HAS3: variants seen among roughly 807,000 people sequenced by gnomAD.
HAS3 encodes the protein HA synthase 3.
A neutral mutation model predicts 50.3 loss-of-function variants in HAS3; 27 were observed. The ratio of observed to expected loss-of-function variants is 0.54; its 90% confidence interval spans 0.40 to 0.74. The LOEUF (loss-of-function observed/expected upper bound fraction) is 0.74, where lower values mean the gene tolerates loss of function less well. Among genes scored for constraint, HAS3 ranks in the 30% least tolerant of loss-of-function variants. The pLI is 0.00. For synonymous variants in HAS3, 339 were observed against 310.9 expected, an observed-to-expected ratio of 1.09 and a Z score of -0.95; for missense variants, 517 against 742.8, an observed-to-expected ratio of 0.70 and a Z score of 3.53.
chr16:69,104,022 G>A (rs117046385), upstream of HAS3, among the ~76,000 whole-genome samples: 5,097 of 152,278 alleles, frequency 0.033, 115 homozygotes, highest in Non-Finnish European at 0.042. Flanking sequence ...AAAACACATT[G>A]GCAGCTGGGC....
chr16:69,114,825 G>C lies in HAS3; in HGVS notation c.1221G>C (p.Trp407Cys). 6.2e-7 allele frequency: 1 copy of C among 1,614,080 alleles called. No homozygotes were observed. Among genetic ancestry groups the C allele is most frequent in the South Asian group, 1.1e-5 (1 of 91,064 alleles). The change falls in exon 4 of 4, where the codon TGG (tryptophan) becomes TGC (cysteine). Residue 407 changes from tryptophan to cysteine, a missense_variant. By Grantham distance (215) the Trp-to-Cys change is radical. Coordinates refer to ENST00000569188, the MANE Select transcript of HAS3 (RefSeq NM_001199280.2). The surrounding 1 kb of genome is among the most constrained non-coding windows in gnomAD (Gnocchi z 6.4). ...AGCTTTTCTACCGGGGCCGCATCTG[G>C]AACATTCTCCTCTTCCTGCTGACGG... The part of the protein sequence containing the change: ...VIQLFYRGRI[W>C]NILLFLLTVQ...
rs1213138178 is a variant in HAS3, at chr16:69,116,301, T to C, written c.*1035T>C. 2 of 985,710 alleles carry C rather than the reference T, an allele frequency of 2.0e-6. No homozygotes were observed. Among genetic ancestry groups the C allele is most frequent in the Non-Finnish European group, 2.4e-6 (2 of 829,936 alleles). 61.1% of individuals were successfully genotyped at this position (985,710 alleles called of 1,614,324 possible). A position where few individuals can be genotyped will look rare whatever the true frequency, so the allele number is the denominator to read the frequency against. On this transcript the variant is annotated 3_prime_UTR_variant, in exon 4 of 4. Transcript: ENST00000569188. ...GGCAATTGGGGCGGAGCCCCGGCTC[T>C]TATAGAAGCTTCAGCAGGAGGCAAG...
chr16:69,092,998 G>C, the HAS3 span, among the ~76,000 whole-genome samples: 4 of 152,180 alleles, frequency 2.6e-5, no homozygotes, highest in African/African-American at 9.7e-5. Context: ...TTCTTTTGTA[G>C]AGTGGCCAAG....
chr16:69,109,949 G>A lies in HAS3; in HGVS notation c.554G>A (p.Cys185Tyr), dbSNP rs1960941881. 6.2e-7 allele frequency: 1 copy of A among 1,614,102 alleles called. No homozygotes were observed. The highest frequency in any genetic ancestry group is 8.5e-7 in the Non-Finnish European group (1 of 1,180,008). ...RDVVRASTFSCIMQKWGGKRE... is the reference protein window; with the variant it reads ...RDVVRASTFSYIMQKWGGKRE... The stretch of plus-strand genomic sequence containing the variant: ...GTGGTGCGGGCCAGCACCTTCTCGT[G>A]CATCATGCAGAAGTGGGGAGGCAAG... The change falls in exon 2 of 4, where the codon TGC becomes TAC. Residue 185 changes from cysteine to tyrosine, a missense_variant. Cys to Tyr is a radical substitution (Grantham distance 194). Coordinates refer to ENST00000569188, the MANE Select transcript of HAS3 (RefSeq NM_001199280.2). The surrounding 1 kb of genome is among the most constrained non-coding windows in gnomAD (Gnocchi z 5.3).
At chr16:69,111,466 T>C (rs73562879) in intron 2 of HAS3, among the ~76,000 whole-genome samples, 5,900 of 152,290 alleles carry the variant, frequency 0.039, 380 homozygotes, top group African/African-American at 0.13. Context: ...GCCCATCACT[T>C]GATCAGTGCT....
At chr16:69,117,666 A>G (rs2152262656), downstream of HAS3, 13 of 966,388 alleles carry the variant, frequency 1.3e-5, no homozygotes, top group Non-Finnish European at 1.6e-5. Flanking sequence ...GGTTATCTCG[A>G]AACTACTACT....
Position 69,116,189 on chromosome 16 carries a change from A to G in HAS3, c.*923A>G, listed in dbSNP as rs1961172968. 1.0e-6 allele frequency: 1 copy of G among 985,454 alleles called. No individual in the cohort carries two copies. The highest frequency in any genetic ancestry group is 1.1e-4 in the East Asian group (1 of 8,812). 61.0% of individuals were successfully genotyped at this position (985,454 alleles called of 1,614,324 possible). On this transcript the variant is annotated 3_prime_UTR_variant, in exon 4 of 4. Coordinates refer to ENST00000569188, the MANE Select transcript of HAS3 (RefSeq NM_001199280.2). ...GATCTGAGGCTAAGACACACTCCCC[A>G]CTTCACTTTCTTCAAAGCCACATTT...
rs1961118758 is a variant in HAS3 at position 69,114,603 on chromosome 16, T to C, written c.999T>C (p.Tyr333=). The C allele has an allele frequency of 6.2e-7, 1 of 1,614,030 alleles. No individual in the cohort carries two copies. Among genetic ancestry groups the C allele is most frequent in the South Asian group, 1.1e-5 (1 of 91,074 alleles). ...RVLSLGYRTK[Y]TARSKCLTET... ...TGAGCCTTGGCTACCGAACTAAGTA[T>C]ACCGCGCGCTCCAAGTGCCTCACAG... is the stretch of plus-strand genomic sequence containing the variant. The change falls in exon 4 of 4, where the codon TAT becomes TAC. Residue 333 remains tyrosine, a synonymous_variant. Coordinates refer to ENST00000569188, the MANE Select transcript of HAS3 (RefSeq NM_001199280.2). This position sits in a 1 kb window ranked among gnomAD's most constrained non-coding sequence, Gnocchi z 6.4.
chr16:69,112,897 A>C (rs1334872037), intron 2 of HAS3, among the ~76,000 whole-genome samples: 1 of 152,148 alleles, frequency 6.6e-6, no homozygotes, highest in African/African-American at 2.4e-5. Flanking sequence ...AGGCTCGGCC[A>C]AGGGAGTCTG....
chr16:69,116,741 A>G lies in HAS3; in HGVS notation c.*1475A>G. ...AATGAGGGGAAGCCATTTTCCAGTG[A>G]CTTGCAATCCAGGCTGTTCTCAGCG... On this transcript the variant is annotated 3_prime_UTR_variant, in exon 4 of 4. Coordinates refer to ENST00000569188, the MANE Select transcript of HAS3 (RefSeq NM_001199280.2). The G allele has an allele frequency of 1.0e-6, 1 of 985,334 alleles. No homozygotes were observed. Among genetic ancestry groups the G allele is most frequent in the South Asian group, 4.7e-5 (1 of 21,282 alleles). The allele number at this position is 985,334 out of a possible 1,614,324, so 61.0% of individuals were successfully genotyped here.
rs552916753 is a variant in HAS3 at position 69,114,270 on chromosome 16, G to T, written c.739-73G>T. On this transcript the variant is annotated intron_variant, in intron 3 of 3. Transcript: ENST00000569188. The surrounding 1 kb of genome is among the most constrained non-coding windows in gnomAD (Gnocchi z 6.4). Reference sequence around the variant, plus strand: ...CGGGCCACAGAAGCCATGGTAAGGAGGCCTCGTGGTCTCTGATGTCTGTCC... The same window carrying T: ...CGGGCCACAGAAGCCATGGTAAGGATGCCTCGTGGTCTCTGATGTCTGTCC... 6.6e-6 allele frequency: 10 copies of T among 1,508,376 alleles called. No individual in the cohort carries two copies. In the East Asian group the frequency reaches 9.1e-5, roughly 14 times the overall value. The allele number at this position is 1,508,376 out of a possible 1,614,324, so 93.4% of individuals were successfully genotyped here.
At position 69,109,287 on chromosome 16, in the gene HAS3, G is replaced by A. The variant is rs1028293749; in HGVS notation, c.1-109G>A. ...AGTCTTATGCTCAGTAAGCGGTAAC[G>A]GTTTTGATCAGTGGGTCATGTCCAC... is the stretch of plus-strand genomic sequence containing the variant. On this transcript the variant is annotated intron_variant, in intron 1 of 3. Coordinates refer to ENST00000569188, the MANE Select transcript of HAS3 (RefSeq NM_001199280.2). The surrounding 1 kb of genome is among the most constrained non-coding windows in gnomAD (Gnocchi z 5.3). 197 of 1,129,924 alleles carry A rather than the reference G, an allele frequency of 1.7e-4. No individual in the cohort carries two copies. Among genetic ancestry groups the A allele is most frequent in the Non-Finnish European group, 2.2e-4 (180 of 803,902 alleles). 70.0% of individuals were successfully genotyped at this position (1,129,924 alleles called of 1,614,324 possible).
the HAS3 span, among the ~76,000 whole-genome samples, chr16:69,096,613 A>ATTTTT: frequency 9.9e-6 from 1 of 101,304 alleles, no homozygotes; most frequent in Non-Finnish European, 1.9e-5. Flanking sequence ...CCCAACACCA[A>ATTTTT]TTTTTTTTTT....
At chr16:69,087,696 C>CTTTTT in the HAS3 span, among the ~76,000 whole-genome samples, 13 of 82,616 alleles carry the variant, frequency 1.6e-4, no homozygotes, top group Non-Finnish European at 2.6e-4. Context: ...CCGCACCCGG[C>CTTTTT]TTTTTTTTTT....
intron 2 of HAS3, among the ~76,000 whole-genome samples, chr16:69,110,562 CACAT>C (rs1960966713): frequency 6.6e-6 from 1 of 152,190 alleles, no homozygotes. Flanking sequence ...CGATTACAGG[CACAT>C]ACACCACCGC....
At chr16:69,086,464 C>G in the HAS3 span, among the ~76,000 whole-genome samples, 5 of 151,660 alleles carry the variant, frequency 3.3e-5, no homozygotes, top group African/African-American at 1.2e-4. Flanking sequence ...ACACTGGGCC[C>G]TAATGTAATC....
At chr16:69,118,719 A>G (rs1597104909), downstream of HAS3, 17 of 645,714 alleles carry the variant, frequency 2.6e-5, no homozygotes, top group East Asian at 4.6e-4. Flanking sequence ...CAAAGGAAAA[A>G]GATGGCTCAT....
chr16:69,110,729 C>A (rs1960972164), intron 2 of HAS3, among the ~76,000 whole-genome samples: 2 of 152,310 alleles, frequency 1.3e-5, no homozygotes, highest in South Asian at 2.1e-4. Flanking sequence ...AGGATTTGCG[C>A]CCAGGCCGTC....
upstream of HAS3, among the ~76,000 whole-genome samples, chr16:69,104,454 G>A (rs1465452685): frequency 6.6e-6 from 1 of 151,982 alleles, no homozygotes; most frequent in Admixed American, 6.6e-5. Context: ...GTGCCACCAT[G>A]CCTGGCTAAT....
Sources: allele counts gnomAD v4.1 joint callset (sites outside exome capture counted in the v4.1 genomes callset), GRCh38; gene constraint gnomAD v4.1.1; non-coding constraint Gnocchi (gnomAD v3.1); transcripts MANE v1.5; gene names NCBI Gene and HGNC (gene_info 2026-07-23, HGNC 2026-07-21).